Variants in CRYBG2 observed in about 807,000 individuals in gnomAD.
CRYBG2 encodes beta/gamma crystallin domain-containing protein 2.
Under a neutral mutation model 153.4 loss-of-function variants are expected in CRYBG2, and 106 were observed. That is an observed-to-expected ratio of 0.69 (90% CI 0.59 to 0.81). The LOEUF (loss-of-function observed/expected upper bound fraction) is 0.81. Ranked by LOEUF, CRYBG2 falls within the 30% of genes least tolerant of loss-of-function variation. CRYBG2 has a pLI of 0.00. For synonymous variants in CRYBG2, 851 were observed against 877.8 expected, an observed-to-expected ratio of 0.97 and a Z score of 0.54; for missense variants, 1,996 against 2,112.0, an observed-to-expected ratio of 0.95 and a Z score of 1.08.
chr1:26,337,718 C>A (rs376329970), intron 8 of CRYBG2, 44 bp from the exon 9 acceptor site: 11 of 1,595,724 alleles, frequency 6.9e-6, no homozygotes, highest in Non-Finnish European at 9.4e-6. Context: ...CCCAAACACA[C>A]CCAGCCAGCT....
chr1:26,352,331 C>G (rs12124895), intron 1 of CRYBG2, among the ~76,000 whole-genome samples: 1 of 152,080 alleles, frequency 6.6e-6, no homozygotes. Flanking sequence ...CAAACACGCA[C>G]AGGCACTCAG....
Position 26,343,769 on chromosome 1 carries a change from G to T in CRYBG2, c.2889C>A (p.Ala963=), listed in dbSNP as rs2074162572. The T allele has an allele frequency of 6.9e-7, 1 of 1,448,694 alleles. No individual in the cohort carries two copies. Among genetic ancestry groups the T allele is most frequent in the Non-Finnish European group, 9.1e-7 (1 of 1,098,328 alleles). 89.7% of individuals were successfully genotyped at this position (1,448,694 alleles called of 1,614,324 possible). Residue 963 remains alanine (A), a synonymous_variant, in exon 2 of 20, where the codon GCC becomes GCA. Transcript: ENST00000308182. The surrounding 1 kb of genome is among the most constrained non-coding windows in gnomAD (Gnocchi z 4.1). The part of the protein sequence containing the change: ...SERSSPTEKL[A]CSLPLEGWSP... ...CCCACCCCTCCAGGGGCAGGGAACA[G>T]GCAAGCTTCTCCGTTGGGGATGATC...
At chr1:26,342,152 T>TG (rs1267085255) in intron 5 of CRYBG2, among the ~76,000 whole-genome samples, 5 of 152,094 alleles carry the variant, frequency 3.3e-5, no homozygotes, top group African/African-American at 1.2e-4. Flanking sequence ...TGCTGGCTCC[T>TG]GGGGGGCAGG....
chr1:26,322,475 C>G (rs993667133), intron 18 of CRYBG2, 152 bp from the exon 19 acceptor site: 16 of 876,492 alleles, frequency 1.8e-5, no homozygotes, highest in Non-Finnish European at 2.6e-5. Flanking sequence ...AGTTTCCTCT[C>G]GGGGATGGGA....
chr1:26,326,277 C>T (rs2073925861), intron 17 of CRYBG2, among the ~76,000 whole-genome samples: 1 of 152,042 alleles, frequency 6.6e-6, no homozygotes, highest in Non-Finnish European at 1.5e-5. Flanking sequence ...GTAGCTCACA[C>T]CTGTAAACCC....
intron 1 of CRYBG2, among the ~76,000 whole-genome samples, chr1:26,350,945 C>T (rs535734246): frequency 1.1e-4 from 16 of 152,124 alleles, no homozygotes; most frequent in Non-Finnish European, 2.4e-4. Flanking sequence ...TTTGACCCTT[C>T]CCTGTGGCCA....
rs986662903 is a variant in CRYBG2 at position 26,325,633 on chromosome 1, ACACACAG to A, written c.4579-1330_4579-1324del. Among the ~76,000 whole-genome samples, 18 of 151,898 alleles carry A rather than the reference ACACACAG, an allele frequency of 1.2e-4. No homozygotes were observed. Among genetic ancestry groups the A allele is most frequent in the African/African-American group, 4.1e-4 (17 of 41,330 alleles). On this transcript the variant is annotated intron_variant, in intron 17 of 19. Transcript: ENST00000308182. The surrounding 1 kb of genome is among the most constrained non-coding windows in gnomAD (Gnocchi z 4.1). ...GATACACACACACACACACACACAC[ACACACAG>A]GTCATCACCAGAGCACACAGATGCA... is the stretch of plus-strand genomic sequence containing the variant.
At position 26,336,076 on chromosome 1, in the gene CRYBG2, C is replaced by A. The variant is rs2074049657; in HGVS notation, c.4184+19G>T. ...CTCTGCCCCAGCGCCCCCAGCCCTC[C>A]GCCCCTCCACGTTCTCACCTGCCGC... is the stretch of plus-strand genomic sequence containing the variant. On this transcript the variant is annotated intron_variant, in intron 14 of 19. Transcript: ENST00000308182. This position sits in a 1 kb window ranked among gnomAD's most constrained non-coding sequence, Gnocchi z 4.9. 6.9e-7 allele frequency: 1 copy of A among 1,443,466 alleles called. No individual in the cohort carries two copies. The highest frequency in any genetic ancestry group is 1.5e-5 in the South Asian group (1 of 68,016). 89.4% of individuals were successfully genotyped at this position (1,443,466 alleles called of 1,614,324 possible).
rs572040038 is a variant in CRYBG2, at chr1:26,331,350, C to T, written c.4314+139G>A. ...TAGCAAACTAAACTGGCTTTACAGC[C>T]CCAGAGTCAAGGGGACCTGGGGCAG... is the stretch of plus-strand genomic sequence containing the variant. On this transcript the variant is annotated intron_variant, in intron 15 of 19. Coordinates refer to ENST00000308182, the MANE Select transcript of CRYBG2 (RefSeq NM_001039775.4). The T allele has an allele frequency of 1.1e-4, 136 of 1,271,740 alleles. No homozygotes were observed. The Middle Eastern group carries it at 1.4e-3, about 13-fold the overall frequency. The allele number at this position is 1,271,740 out of a possible 1,614,324, so 78.8% of individuals were successfully genotyped here.
At position 26,337,995 on chromosome 1, in the gene CRYBG2, T is replaced by G; in HGVS notation, c.3507+17A>C. 4 of 1,611,954 alleles carry G rather than the reference T, an allele frequency of 2.5e-6. No individual in the cohort carries two copies. Among genetic ancestry groups the G allele is most frequent in the Non-Finnish European group, 2.5e-6 (3 of 1,179,108 alleles). On this transcript the variant is annotated intron_variant, in intron 8 of 19. Transcript: ENST00000308182. Reference sequence around the variant, plus strand: ...GCCACCAAAGGCCCTCTTTGGCTCTTAAGCCCAGACTCTTACCCTGGGCTC... The same window carrying G: ...GCCACCAAAGGCCCTCTTTGGCTCTGAAGCCCAGACTCTTACCCTGGGCTC...
intron 1 of CRYBG2, among the ~76,000 whole-genome samples, chr1:26,350,850 T>C (rs1409771913): frequency 6.6e-6 from 1 of 152,144 alleles, no homozygotes; most frequent in Non-Finnish European, 1.5e-5. Context: ...GACCTGACTC[T>C]GGGCAGGAAA....
Position 26,345,292 on chromosome 1 carries a change from G to A in CRYBG2, c.1366C>T (p.Leu456Phe), listed in dbSNP as rs955274470. Residue 456 changes from leucine (L) to phenylalanine (F), a missense_variant, in exon 2 of 20, where the codon CTC (leucine) becomes TTC (phenylalanine). Physicochemically the swap from Leu to Phe is conservative, Grantham distance 22 (BLOSUM62 0). Transcript: ENST00000308182. ...FVQNSENVPV[L>F]PFTQREVVKG... Reference sequence around the variant, plus strand: ...ACGACCTCCCTCTGGGTAAAGGGGAGGACAGGGACATTTTCAGAGTTCTGA... The same window carrying A: ...ACGACCTCCCTCTGGGTAAAGGGGAAGACAGGGACATTTTCAGAGTTCTGA... The A allele has an allele frequency of 6.2e-7, 1 of 1,613,612 alleles. No individual in the cohort carries two copies. Among genetic ancestry groups the A allele is most frequent in the Non-Finnish European group, 8.5e-7 (1 of 1,179,902 alleles).
intron 14 of CRYBG2, among the ~76,000 whole-genome samples, chr1:26,333,109 G>C (rs2124699443): frequency 6.9e-6 from 1 of 144,612 alleles, no homozygotes. Flanking sequence ...AAAGCTGTTG[G>C]CTTTGGAACT....
chr1:26,338,798 C>A (rs565362976), intron 6 of CRYBG2, among the ~76,000 whole-genome samples: 1 of 152,184 alleles, frequency 6.6e-6, no homozygotes, highest in African/African-American at 2.4e-5. Context: ...TCTCCCTGGG[C>A]CTCAGTTCTT....
intron 14 of CRYBG2, among the ~76,000 whole-genome samples, chr1:26,332,503 GTTA>G (rs1306380887): frequency 6.6e-6 from 1 of 151,576 alleles, no homozygotes; most frequent in South Asian, 2.1e-4. Flanking sequence ...TTTTGTTGTT[GTTA>G]TTGTTGTTGT....
intron 15 of CRYBG2, among the ~76,000 whole-genome samples, chr1:26,329,287 C>G (rs2073970904): frequency 7.0e-6 from 1 of 143,820 alleles, no homozygotes; most frequent in African/African-American, 2.6e-5. Context: ...AACAATTCTT[C>G]TGCCTCAGCC....
At chr1:26,332,837 T>C (rs2074012588) in intron 14 of CRYBG2, among the ~76,000 whole-genome samples, 1 of 151,668 alleles carries the variant, frequency 6.6e-6, no homozygotes, top group South Asian at 2.1e-4. Flanking sequence ...TACAATTTAG[T>C]GTTTTTTTTA....
In CRYBG2 at chr1:26,343,240, C is replaced by T. The variant is rs2124711248; in HGVS notation, c.2961+6G>A. Reference sequence around the variant, plus strand: ...TGCCCCCACCCACTTGCCCCCACAACCCTACCTTTCCAGGCCTGGTGTTCA... The same window carrying T: ...TGCCCCCACCCACTTGCCCCCACAATCCTACCTTTCCAGGCCTGGTGTTCA... On this transcript the variant is annotated splice_donor_region_variant and intron_variant, in intron 3 of 19. Transcript: ENST00000308182. The surrounding 1 kb of genome is among the most constrained non-coding windows in gnomAD (Gnocchi z 4.1). 6.4e-7 allele frequency: 1 copy of T among 1,550,484 alleles called. No individual in the cohort carries two copies. Among genetic ancestry groups the T allele is most frequent in the East Asian group, 2.4e-5 (1 of 40,906 alleles).
rs370700730 is a variant in CRYBG2 at position 26,342,854 on chromosome 1, C to T, written c.3104G>A (p.Arg1035Gln). The change falls in exon 5 of 20, where the codon CGG (arginine) becomes CAG (glutamine). Residue 1035 changes from arginine to glutamine, a missense_variant. Physicochemically the swap from Arg to Gln is conservative, Grantham distance 43 (BLOSUM62 1). Transcript: ENST00000308182. ...CWVLYEEPEF[R>Q]GQKLVLPEGD... Reference sequence around the variant, plus strand: ...TTCAGGCAGGACCAGCTTCTGACCCCGGAACTCTGGCTCTTCGTACAGCAC... The same window carrying T: ...TTCAGGCAGGACCAGCTTCTGACCCTGGAACTCTGGCTCTTCGTACAGCAC... 248 of 1,614,124 alleles carry T rather than the reference C, an allele frequency of 1.5e-4. 1 individual carries two copies. The African/African-American group carries it at 2.2e-3, about 14-fold the overall frequency.
Sources: allele counts gnomAD v4.1 joint callset (sites outside exome capture counted in the v4.1 genomes callset), GRCh38; gene constraint gnomAD v4.1.1; non-coding constraint Gnocchi (gnomAD v3.1); transcripts MANE v1.5; gene names NCBI Gene and HGNC (gene_info 2026-07-23, HGNC 2026-07-21).